Variants in ZFHX3 observed in about 807,000 individuals in gnomAD.
ZFHX3 encodes the protein zinc finger homeobox 3.
A neutral mutation model predicts 279.1 loss-of-function variants in ZFHX3; 42 were observed. That is an observed-to-expected ratio of 0.15 (90% confidence interval 0.12 to 0.19). The LOEUF (loss-of-function observed/expected upper bound fraction) is 0.19. Ranked by LOEUF, ZFHX3 falls within the 10% of genes least tolerant of loss-of-function variation. The pLI is 1.00. For synonymous variants in ZFHX3, 2,293 were observed against 1,957.8 expected (o/e 1.17, Z -4.52); for missense variants, 4,981 against 4,754.0 (o/e 1.05, Z -1.40).
chr16:72,948,162 G>A (rs761912913), intron 3 of ZFHX3, among the ~76,000 whole-genome samples: 2 of 152,188 alleles, frequency 1.3e-5, no homozygotes, highest in Admixed American at 6.5e-5. Flanking sequence ...GCAGGCACAG[G>A]GCCATTCATT....
At chr16:73,490,327 G>A (rs2019038473) in intron 2 of ZFHX3, among the ~76,000 whole-genome samples, 2 of 152,176 alleles carry the variant, frequency 1.3e-5, no homozygotes, top group African/African-American at 4.8e-5. Context: ...TTCCAAGGCA[G>A]GTTTGTGAAC....
intron 3 of ZFHX3, among the ~76,000 whole-genome samples, chr16:73,417,396 C>CTTTTTTTTTT (rs57283343): frequency 8.4e-6 from 1 of 118,772 alleles, no homozygotes; most frequent in Non-Finnish European, 1.7e-5. Context: ...TTTTTCTTTT[C>CTTTTTTTTTT]TTTTTTTTTT....
At chr16:72,920,525 C>G (rs964280191) in intron 3 of ZFHX3, among the ~76,000 whole-genome samples, 1 of 150,262 alleles carries the variant, frequency 6.7e-6, no homozygotes, top group African/African-American at 2.4e-5. Flanking sequence ...ACTAAAAATA[C>G]AAGAAAAAAA....
chr16:73,870,309 A>G (rs1962127158), intron 1 of ZFHX3, among the ~76,000 whole-genome samples: 1 of 152,206 alleles, frequency 6.6e-6, no homozygotes, highest in Non-Finnish European at 1.5e-5. Flanking sequence ...CTAGCAAGCC[A>G]AAGGCAATGG....
chr16:73,758,581 T>G (rs948146991), intron 1 of ZFHX3, among the ~76,000 whole-genome samples: 8 of 152,170 alleles, frequency 5.3e-5, no homozygotes, highest in African/African-American at 1.7e-4. Flanking sequence ...CCACCCAAAA[T>G]TCAAGTATTT....
At chr16:73,061,658 C>A (rs1040722240), upstream of ZFHX3, 2 of 151,972 alleles carry the variant, frequency 1.3e-5, no homozygotes, top group African/African-American at 4.8e-5. Context: ...ATTGTTCAGA[C>A]CCTCAGGAAT....
intron 5 of ZFHX3, among the ~76,000 whole-genome samples, chr16:73,217,401 C>A (rs923100201): frequency 4.6e-5 from 7 of 152,126 alleles, no homozygotes; most frequent in African/African-American, 1.4e-4. Context: ...AAATCTGAGT[C>A]AAATAAGGAA....
intron 4 of ZFHX3, among the ~76,000 whole-genome samples, chr16:72,875,243 C>G (rs192483883): frequency 6.6e-6 from 1 of 152,380 alleles, no homozygotes; most frequent in East Asian, 1.9e-4. Context: ...GGCCGCTCTT[C>G]CACCTGGAAC....
chr16:73,623,345 G>A (rs1371305118), intron 2 of ZFHX3, among the ~76,000 whole-genome samples: 1 of 152,084 alleles, frequency 6.6e-6, no homozygotes, highest in African/African-American at 2.4e-5. Context: ...CGGGCACATT[G>A]TATTTTTGAA....
intron 7 of ZFHX3, among the ~76,000 whole-genome samples, chr16:73,114,489 A>C (rs926154604): frequency 6.6e-6 from 1 of 151,880 alleles, no homozygotes; most frequent in Non-Finnish European, 1.5e-5. Flanking sequence ...CAACCTGGGC[A>C]ACATAGTGAG....
At chr16:73,736,297 G>C (rs2053609824) in intron 1 of ZFHX3, among the ~76,000 whole-genome samples, 1 of 152,094 alleles carries the variant, frequency 6.6e-6, no homozygotes, top group Non-Finnish European at 1.5e-5. Context: ...CTAGATGCAG[G>C]GGCAGCAGCC....
chr16:73,301,966 G>A (rs1469299930), intron 4 of ZFHX3, among the ~76,000 whole-genome samples: 3 of 152,120 alleles, frequency 2.0e-5, no homozygotes, highest in African/African-American at 4.8e-5. Context: ...GTCCATGCAA[G>A]CCACAAACCC....
At chr16:73,660,331 A>G (rs2052768200) in intron 2 of ZFHX3, among the ~76,000 whole-genome samples, 1 of 152,258 alleles carries the variant, frequency 6.6e-6, no homozygotes, top group East Asian at 1.9e-4. Context: ...GATGTGAACA[A>G]ACCCACACTA....
Position 73,768,937 on chromosome 16 carries a change from C to T in ZFHX3, c.-1607-88697G>A, listed in dbSNP as rs527753745. 2.6e-5 allele frequency among the ~76,000 whole-genome samples: 4 copies of T among 152,262 alleles called. No individual in the cohort carries two copies. The East Asian group carries it at 7.7e-4, about 29-fold the overall frequency. Reference sequence around the variant, plus strand: ...CAGAAACCTACTTTATCTCGCCAAACACAAATATGGGATGCCTAGTTAAGT... The same window carrying T: ...CAGAAACCTACTTTATCTCGCCAAATACAAATATGGGATGCCTAGTTAAGT... On this transcript the variant is annotated intron_variant, in intron 1 of 17. Transcript: ENST00000641206.
At chr16:73,784,796 A>AAAATATATAT (rs56734827) in intron 1 of ZFHX3, among the ~76,000 whole-genome samples, 1 of 131,112 alleles carries the variant, frequency 7.6e-6, no homozygotes, top group African/African-American at 2.9e-5. Flanking sequence ...TAAAAAAAAA[A>AAAATATATAT]ATATATATAT....
chr16:73,416,696 AC>A lies in ZFHX3; in HGVS notation c.-1291+39306del, dbSNP rs542809564. On this transcript the variant is annotated intron_variant, in intron 3 of 17. Transcript: ENST00000641206. ...AGACCATCCTGGCTAACATGGTGAA[AC>A]CCCCGTCTCTACTAAAAATACAAAA... is the stretch of plus-strand genomic sequence containing the variant. 2.4e-3 allele frequency among the ~76,000 whole-genome samples: 362 copies of A among 151,678 alleles called. 2 individuals are homozygous for A. Among genetic ancestry groups the A allele is most frequent in the South Asian group, 9.4e-3 (45 of 4,772 alleles).
At chr16:73,422,254 A>G (rs1176250922) in intron 3 of ZFHX3, among the ~76,000 whole-genome samples, 1 of 151,364 alleles carries the variant, frequency 6.6e-6, no homozygotes, top group African/African-American at 2.4e-5. Flanking sequence ...CCTCTGCTCA[A>G]CCCTTGAATG....
intron 5 of ZFHX3, among the ~76,000 whole-genome samples, chr16:73,166,598 G>T (rs909978828): frequency 1.3e-5 from 2 of 152,092 alleles, no homozygotes; most frequent in Non-Finnish European, 2.9e-5. Context: ...GGCAGGGAGG[G>T]GGTCTGCTGC....
At chr16:73,183,794 G>C (rs1179961064) in intron 5 of ZFHX3, among the ~76,000 whole-genome samples, 2 of 152,094 alleles carry the variant, frequency 1.3e-5, no homozygotes, top group African/African-American at 2.4e-5. Context: ...GAGATGGGGA[G>C]AAATTAATGA....
Sources: gnomAD v4.1 joint callset for allele counts (sites outside exome capture counted in the v4.1 genomes callset) on GRCh38, gnomAD v4.1.1 for gene constraint, MANE v1.5 for transcripts, NCBI Gene and HGNC (gene_info 2026-07-23, HGNC 2026-07-21) for gene names.